TOPBP1: variants seen among roughly 807,000 people sequenced by gnomAD.
TOPBP1 encodes the protein DNA topoisomerase II binding protein 1.
In TOPBP1, 28 loss-of-function variants were observed where a neutral mutation model predicts 167.7. That is an observed-to-expected ratio of 0.17 (90% confidence interval 0.12 to 0.23). The LOEUF (loss-of-function observed/expected upper bound fraction) is 0.23, where lower values mean the gene tolerates loss of function less well. Ranked by LOEUF, TOPBP1 falls within the 10% of genes least tolerant of loss-of-function variation. The pLI is 1.00. For synonymous variants in TOPBP1, 598 were observed against 611.4 expected (o/e 0.98, Z 0.32); for missense variants, 1,554 against 1,809.6 (o/e 0.86, Z 2.56).
In TOPBP1 at chr3:133,624,146, A is replaced by C; in HGVS notation, c.2834T>G (p.Phe945Cys). ...GTCATTTGGCCGCCCTTGATAGATG[A>C]AATGAGTCACTGTTTCATCAAAACT... ...RWSFDETVTH[F>C]IYQGRPNDTN... is the part of the protein sequence containing the mutation. The change falls in exon 17 of 28, where the codon TTC becomes TGC. Residue 945 changes from phenylalanine (F) to cysteine (C), a missense_variant. By Grantham distance (205) the Phe-to-Cys change is radical. This residue lies in a region of TOPBP1 where 1,197 missense variants were observed against 1,351.5 expected (regional missense o/e 0.89). Coordinates refer to ENST00000260810, the MANE Select transcript of TOPBP1 (RefSeq NM_007027.4). 6.2e-7 allele frequency: 1 copy of C among 1,613,800 alleles called. No individual in the cohort carries two copies. The highest frequency in any genetic ancestry group is 8.5e-7 in the Non-Finnish European group (1 of 1,179,818).
Position 133,603,699 on chromosome 3 carries a change from AG to A in TOPBP1, c.4426-2307del, listed in dbSNP as rs1553720646. Among the ~76,000 whole-genome samples the A allele has an allele frequency of 5.6e-4, 84 of 149,206 alleles. 2 individuals carry two copies. Among genetic ancestry groups the A allele is most frequent in the Middle Eastern group, 3.6e-3 (1 of 278 alleles). On this transcript the variant is annotated intron_variant, in intron 27 of 27. Transcript: ENST00000260810. The stretch of plus-strand genomic sequence containing the variant: ...CAAAGTTTGAAATAAATGGGGTAAA[AG>A]CTGACAAAATTAAAGAGAAAAAACA...
intron 20 of TOPBP1, 45 bp downstream of exon 20, chr3:133,620,108 TTC>T: frequency 6.6e-7 from 1 of 1,525,470 alleles, no homozygotes; most frequent in Non-Finnish European, 8.8e-7. Flanking sequence ...CGTAAATCCT[TTC>T]TCTCAAGTCA....
rs555882163 is a variant in TOPBP1, at chr3:133,645,327, G to C, written c.1505-964C>G. On this transcript the variant is annotated intron_variant, in intron 10 of 27. Transcript: ENST00000260810. ...GGGAGTTTACTGGTCAGTAAGTCAG[G>C]AGAGCTGGGTTCTAGTTTTATAGTC... is the stretch of plus-strand genomic sequence containing the variant. Among the ~76,000 whole-genome samples, 10 of 152,190 alleles carry C rather than the reference G, an allele frequency of 6.6e-5. No homozygotes were observed. In the South Asian group the frequency reaches 2.1e-3, roughly 32 times the overall value.
chr3:133,621,819 A>G (rs1254620825), intron 19 of TOPBP1, among the ~76,000 whole-genome samples: 1 of 152,242 alleles, frequency 6.6e-6, no homozygotes, highest in Non-Finnish European at 1.5e-5. Context: ...AAAACAGAAC[A>G]TATTAAATCT....
chr3:133,644,113 A>C lies in TOPBP1; in HGVS notation c.1755T>G (p.Leu585=). The change falls in exon 11 of 28, where the codon CTT becomes CTG. Residue 585 remains leucine (L), a synonymous_variant. Coordinates refer to ENST00000260810, the MANE Select transcript of TOPBP1 (RefSeq NM_007027.4). ...IKENAGKIMS[L]LSRTVADYAV... is the part of the protein sequence containing the mutation. ...CATAATCCGCAACAGTTCTGCTCAG[A>C]AGGGACATGATTTTCCCAGCATTTT... 6.2e-7 allele frequency: 1 copy of C among 1,613,988 alleles called. No individual in the cohort carries two copies. The highest frequency in any genetic ancestry group is 1.3e-5 in the African/African-American group (1 of 75,058).
intron 19 of TOPBP1, among the ~76,000 whole-genome samples, chr3:133,622,038 A>T: frequency 6.6e-6 from 1 of 151,298 alleles, no homozygotes; most frequent in East Asian, 2.0e-4. Context: ...AGGAAGGGGG[A>T]CAGGAAGGAA....
Position 133,618,202 on chromosome 3 carries a change from T to G in TOPBP1, c.3592+11A>C. ...TAATACAAACAAATGCAAAGATTTC[T>G]TTCTTGTTACCCTGTTTAGCAATTT... On this transcript the variant is annotated intron_variant, in intron 21 of 27. Transcript: ENST00000260810. 6.2e-7 allele frequency: 1 copy of G among 1,605,466 alleles called. No individual in the cohort carries two copies. The highest frequency in any genetic ancestry group is 1.1e-5 in the South Asian group (1 of 90,826).
At chr3:133,653,629 AT>A (rs758153679) in intron 6 of TOPBP1, 105 bp from the exon 7 acceptor site, 149,606 of 761,218 alleles carry the variant, frequency 0.2, 27 homozygotes, top group South Asian at 0.25. Flanking sequence ...ACAGGTTAAT[AT>A]TTTTTTTTTT....
intron 14 of TOPBP1, among the ~76,000 whole-genome samples, chr3:133,630,172 T>A (rs937399615): frequency 3.3e-5 from 5 of 152,314 alleles, no homozygotes; most frequent in East Asian, 1.9e-4. Context: ...GTCTTTTTTT[T>A]AATATATTCG....
At chr3:133,616,332 G>A (rs1262485275) in intron 23 of TOPBP1, among the ~76,000 whole-genome samples, 2 of 152,028 alleles carry the variant, frequency 1.3e-5, no homozygotes, top group East Asian at 3.9e-4. Flanking sequence ...ATGTTGGCCA[G>A]CCTAGTCTTA....
In TOPBP1 at chr3:133,640,254, G is replaced by A. The variant is rs374371925; in HGVS notation, c.2022-84C>T. On this transcript the variant is annotated intron_variant, in intron 12 of 27. Coordinates refer to ENST00000260810, the MANE Select transcript of TOPBP1 (RefSeq NM_007027.4). ...AACAAAATTTCCAACACAACAGTGTGGTTAGAGATCATGTAAGTATAAAAA... is the reference window on the plus strand; with the variant it reads ...AACAAAATTTCCAACACAACAGTGTAGTTAGAGATCATGTAAGTATAAAAA... 2.4e-5 allele frequency: 28 copies of A among 1,161,294 alleles called. No homozygotes were observed. The East Asian group carries it at 3.6e-4, about 15-fold the overall frequency. The allele number at this position is 1,161,294 out of a possible 1,614,324, so 71.9% of individuals were successfully genotyped here.
chr3:133,615,338 G>A (rs1048459747), intron 23 of TOPBP1, among the ~76,000 whole-genome samples: 5 of 152,084 alleles, frequency 3.3e-5, no homozygotes, highest in African/African-American at 9.7e-5. Flanking sequence ...TTAGCCAGGC[G>A]TGGTGGCGCA....
chr3:133,640,189 G>T lies in TOPBP1; in HGVS notation c.2022-19C>A, dbSNP rs779531880. The T allele has an allele frequency of 3.8e-6, 6 of 1,598,438 alleles. No homozygotes were observed. In the Admixed American group the frequency reaches 1.0e-4, roughly 28 times the overall value. On this transcript the variant is annotated intron_variant, in intron 12 of 27. Coordinates refer to ENST00000260810, the MANE Select transcript of TOPBP1 (RefSeq NM_007027.4). ...TTGAACACTGAAATTTATGTTTAAA[G>T]AAGTGGAAATGGTCACATATACAAT...
intron 7 of TOPBP1, among the ~76,000 whole-genome samples, chr3:133,653,074 T>G (rs1271936275): frequency 2.6e-5 from 4 of 152,214 alleles, no homozygotes; most frequent in Admixed American, 2.6e-4. Flanking sequence ...TACTTTTATC[T>G]TAAGCCCCCA....
chr3:133,654,132 G>A (rs1360616909), intron 6 of TOPBP1, among the ~76,000 whole-genome samples: 3 of 152,240 alleles, frequency 2.0e-5, no homozygotes, highest in Admixed American at 6.5e-5. Flanking sequence ...CAACTGTGGG[G>A]TAACTTAATT....
At position 133,644,649 on chromosome 3, in the gene TOPBP1, C is replaced by G. The variant is rs560963780; in HGVS notation, c.1505-286G>C. On this transcript the variant is annotated intron_variant, in intron 10 of 27. Coordinates refer to ENST00000260810, the MANE Select transcript of TOPBP1 (RefSeq NM_007027.4). ...TTAGTTTAAAATTATATAGCTCCAA[C>G]AGGACTTAGTTCCAAAACTGGTTTA... 7.9e-5 allele frequency among the ~76,000 whole-genome samples: 12 copies of G among 152,286 alleles called. No homozygotes were observed. In the South Asian group the frequency reaches 1.7e-3, roughly 21 times the overall value.
At chr3:133,617,021 T>C in intron 22 of TOPBP1, 96 bp from the exon 23 acceptor site, 1 of 1,282,276 alleles carries the variant, frequency 7.8e-7, no homozygotes, top group Middle Eastern at 2.0e-4. Context: ...TTCTAAGTTA[T>C]GAAATATACA....
chr3:133,653,493 A>G lies in TOPBP1; in HGVS notation c.774T>C (p.Asn258=), dbSNP rs1936370363. The G allele has an allele frequency of 1.2e-6, 2 of 1,602,596 alleles. No individual in the cohort carries two copies. The highest frequency in any genetic ancestry group is 3.5e-5 in the Admixed American group (2 of 57,252). ...GQKYECAKRW[N]VHCVTTQWFF... ...ACCACTGTGTGGTCACACAGTGTAC[A>G]TTCCATCTCTTGGCACACTCATACT... Residue 258 remains asparagine, a synonymous_variant, in exon 7 of 28, where the codon AAT becomes AAC. Transcript: ENST00000260810.
rs537744082 is a variant in TOPBP1, at chr3:133,637,941, G to T, written c.2455C>A (p.His819Asn). 1.7e-4 allele frequency: 276 copies of T among 1,613,968 alleles called. 3 individuals carry two copies. In the South Asian group the frequency reaches 1.9e-3, roughly 11 times the overall value. The change falls in exon 14 of 28, where the codon CAC becomes AAC. Residue 819 changes from histidine to asparagine, a missense_variant. Around this residue, in one of 3 missense-constraint regions of TOPBP1, gnomAD observed 1,197 missense variants for 1,351.5 expected, o/e 0.89. Transcript: ENST00000260810. ...GQPLQKEPSL[H>N]LDTPSKFLSK... The stretch of plus-strand genomic sequence containing the variant: ...AGGAATTTTGATGGTGTATCCAGGT[G>T]TAACGAGGGCTCCTTCTGAAGTGGT...
Sources: gnomAD v4.1 joint callset for allele counts (sites outside exome capture counted in the v4.1 genomes callset) on GRCh38, gnomAD v4.1.1 for gene constraint, gnomAD v4.1.1 regional missense constraint, MANE v1.5 for transcripts, NCBI Gene and HGNC (gene_info 2026-07-23, HGNC 2026-07-21) for gene names.